The following GARIN2 variants were observed in gnomAD, a reference collection of about 807,000 sequenced individuals.
GARIN2 encodes the protein golgi associated RAB2 interactor family member 2.
At chr14:67,226,654 C>A in the GARIN2 span, among the ~76,000 whole-genome samples, 1 of 151,356 alleles carries the variant, frequency 6.6e-6, no homozygotes, top group Non-Finnish European at 1.5e-5. Context: ...AGCCACTGTG[C>A]CTGGCTGAGC....
chr14:67,209,749 C>A, the GARIN2 span, among the ~76,000 whole-genome samples: 2 of 146,580 alleles, frequency 1.4e-5, no homozygotes, highest in African/African-American at 5.1e-5. Context: ...ACCCGGGAGA[C>A]TGAGGTTGCA....
the GARIN2 span, chr14:67,203,354 C>T: frequency 7.3e-7 from 1 of 1,362,806 alleles, no homozygotes; most frequent in Non-Finnish European, 9.9e-7. Flanking sequence ...CCCTGTGGAT[C>T]TGAAAACGGA....
chr14:67,226,172 T>C, the GARIN2 span, among the ~76,000 whole-genome samples: 1 of 152,112 alleles, frequency 6.6e-6, no homozygotes, highest in African/African-American at 2.4e-5. Context: ...AGCATTTTGT[T>C]TATTTACTTG....
the GARIN2 span, chr14:67,228,486 T>A: frequency 5.7e-6 from 1 of 174,752 alleles, no homozygotes; most frequent in Non-Finnish European, 1.1e-5. Context: ...AGACAATCAG[T>A]GCAAGAGGAA....
chr14:67,204,849 C>T, the GARIN2 span: 2 of 1,613,850 alleles, frequency 1.2e-6, no homozygotes, highest in African/African-American at 2.7e-5. Flanking sequence ...CAGGTACAGG[C>T]CCTGAACATG....
At chr14:67,221,787 G>A in the GARIN2 span, 1 of 1,613,320 alleles carries the variant, frequency 6.2e-7, no homozygotes. Context: ...AGGAGCTTGA[G>A]AACTGAATCA....
chr14:67,191,311 A>T, the GARIN2 span, among the ~76,000 whole-genome samples: 2 of 152,260 alleles, frequency 1.3e-5, no homozygotes, highest in African/African-American at 4.8e-5. Flanking sequence ...TGGTTTCACT[A>T]TAGAAATCTT....
the GARIN2 span, among the ~76,000 whole-genome samples, chr14:67,205,642 C>T: frequency 1.3e-5 from 2 of 152,132 alleles, no homozygotes; most frequent in African/African-American, 4.8e-5. Context: ...AAAAATGTTT[C>T]ATTCAGTTGG....
the GARIN2 span, chr14:67,208,289 A>G: frequency 3.0e-5 from 48 of 1,614,036 alleles, no homozygotes; most frequent in East Asian, 3.1e-4. Flanking sequence ...ACATGTCACC[A>G]TCTCAAACAT....
chr14:67,225,280 A>T, the GARIN2 span: 8 of 1,464,712 alleles, frequency 5.5e-6, no homozygotes, highest in Non-Finnish European at 7.2e-6. Flanking sequence ...CTTTTTAATT[A>T]TAAGTCTCTA....
chr14:67,211,704 G>A, the GARIN2 span, among the ~76,000 whole-genome samples: 1 of 152,168 alleles, frequency 6.6e-6, no homozygotes, highest in African/African-American at 2.4e-5. Context: ...TACAGTGGGA[G>A]TACCATCCTG....
chr14:67,189,837 A>ATTTTTTTTTTTTTT, the GARIN2 span: 2 of 108,096 alleles, frequency 1.9e-5, no homozygotes, highest in African/African-American at 3.8e-5. Flanking sequence ...ATTTTTTTTA[A>ATTTTTTTTTTTTTT]TTTTTTTTTT....
At chr14:67,215,408 T>G in the GARIN2 span, among the ~76,000 whole-genome samples, 2 of 149,798 alleles carry the variant, frequency 1.3e-5, no homozygotes, top group South Asian at 2.1e-4. Flanking sequence ...GATCTATTGT[T>G]TTTTTTTTTT....
chr14:67,200,201 C>T, the GARIN2 span: 26 of 1,129,016 alleles, frequency 2.3e-5, no homozygotes, highest in East Asian at 6.7e-4. Context: ...CCACTGATGC[C>T]CCCCATGGAT....
chr14:67,214,479 C>T, the GARIN2 span, among the ~76,000 whole-genome samples: 4 of 152,076 alleles, frequency 2.6e-5, no homozygotes, highest in Non-Finnish European at 4.4e-5. Flanking sequence ...TAGTTGTAGA[C>T]GTGCGGCGTT....
the GARIN2 span, among the ~76,000 whole-genome samples, chr14:67,218,437 G>A: frequency 3.3e-5 from 5 of 152,162 alleles, no homozygotes; most frequent in Non-Finnish European, 7.4e-5. Flanking sequence ...ACTCAGGGAC[G>A]TGCTCACTGG....
At chr14:67,202,045 G>A in the GARIN2 span, among the ~76,000 whole-genome samples, 13 of 152,146 alleles carry the variant, frequency 8.5e-5, no homozygotes, top group Admixed American at 2.0e-4. Flanking sequence ...CTTCCTCAGG[G>A]GAGACTTCCA....
chr14:67,200,112 G>C, the GARIN2 span: 2 of 1,044,918 alleles, frequency 1.9e-6, no homozygotes, highest in Admixed American at 2.3e-5. Context: ...CAATGGGCAT[G>C]CCCCCCCGAA....
chr14:67,217,125 G>A, the GARIN2 span, among the ~76,000 whole-genome samples: 32 of 151,616 alleles, frequency 2.1e-4, no homozygotes, highest in African/African-American at 6.5e-4. Context: ...ATATCTTCAC[G>A]TTAAATTGAT....
Sources: gnomAD v4.1 joint callset for allele counts (sites outside exome capture counted in the v4.1 genomes callset) on GRCh38, gnomAD v4.1.1 for gene constraint, MANE v1.5 for transcripts, NCBI Gene and HGNC (gene_info 2026-07-23, HGNC 2026-07-21) for gene names.